The following MYOF variants were observed in gnomAD, a reference collection of about 807,000 sequenced individuals.
The protein encoded by MYOF is myoferlin.
In MYOF, 244 loss-of-function variants were observed where a neutral mutation model predicts 284.2. The ratio of observed to expected loss-of-function variants is 0.86; its 90% confidence interval spans 0.77 to 0.95. The LOEUF is 0.95. Among genes scored for constraint, MYOF ranks in the 40% least tolerant of loss-of-function variants. The probability of loss-of-function intolerance (pLI) is 0.00; values close to 1 mark genes in which losing one functional copy is unlikely to be tolerated. For missense variants in MYOF, 2,496 were observed against 2,560.6 expected (o/e 0.97, Z 0.54); for synonymous variants, 904 against 919.7 (o/e 0.98, Z 0.31).
intron 3 of MYOF, among the ~76,000 whole-genome samples, chr10:93,449,876 G>A (rs372139091): frequency 6.6e-6 from 1 of 152,152 alleles, no homozygotes; most frequent in Non-Finnish European, 1.5e-5. Context: ...CATCAAAGGC[G>A]AAGATGGGAG....
At chr10:93,479,746 A>C (rs1189335042) in intron 1 of MYOF, among the ~76,000 whole-genome samples, 2 of 152,196 alleles carry the variant, frequency 1.3e-5, no homozygotes, top group African/African-American at 4.8e-5. Context: ...CTCTGAGTTG[A>C]GTGCCCTTTC....
At chr10:93,352,410 A>G (rs562775308) in intron 32 of MYOF, among the ~76,000 whole-genome samples, 42 of 152,318 alleles carry the variant, frequency 2.8e-4, no homozygotes, top group African/African-American at 9.1e-4. Context: ...TATTCAGCAA[A>G]TATTTATTGA....
rs1165983189 is a variant in MYOF at position 93,361,310 on chromosome 10, CT to C, written c.2974+141del. ...GGCCTTGTTCCTAAAAGGCCATGAA[CT>C]GGTACCAGTCTGGCCTGGGGGCTGG... is the stretch of plus-strand genomic sequence containing the variant. On this transcript the variant is annotated intron_variant, in intron 28 of 53. Transcript: ENST00000359263. The C allele has an allele frequency of 5.0e-5, 36 of 725,162 alleles. No homozygotes were observed. The African/African-American group carries it at 6.0e-4, about 12-fold the overall frequency. The allele number at this position is 725,162 out of a possible 1,614,324, so 44.9% of individuals were successfully genotyped here. A position where few individuals can be genotyped will look rare whatever the true frequency, so the allele number is the denominator to read the frequency against.
intron 28 of MYOF, 120 bp downstream of exon 28, chr10:93,361,332 G>A (rs1450247604): frequency 2.2e-6 from 2 of 909,288 alleles, no homozygotes; most frequent in Admixed American, 2.3e-5. Flanking sequence ...TGGCCTGGGG[G>A]CTGGGGACTC....
Position 93,323,086 on chromosome 10 carries a change from G to A in MYOF, c.5448C>T (p.Tyr1816=), listed in dbSNP as rs201878661. 23 of 1,613,514 alleles carry A rather than the reference G, an allele frequency of 1.4e-5. No homozygotes were observed. The highest frequency in any genetic ancestry group is 4.5e-5 in the East Asian group (2 of 44,876). The change falls in exon 48 of 54, where the codon TAC becomes TAT. Residue 1816 remains tyrosine, a synonymous_variant. Coordinates refer to ENST00000359263, the MANE Select transcript of MYOF (RefSeq NM_013451.4). ...TCACATGCTAACCTTACCCTTTGAC[G>A]TAGATGTCACTCATTTCCTCTCCTG... The part of the protein sequence containing the change: ...SITGEEMSDI[Y]VKGWIPGNEE...
intron 51 of MYOF, among the ~76,000 whole-genome samples, chr10:93,312,184 A>C (rs1280819190): frequency 3.9e-5 from 6 of 152,266 alleles, no homozygotes; most frequent in Non-Finnish European, 8.8e-5. Context: ...GCTATTTTTA[A>C]TAATGCATAA....
intron 49 of MYOF, among the ~76,000 whole-genome samples, chr10:93,319,079 G>A (rs963694803): frequency 6.6e-6 from 1 of 152,162 alleles, no homozygotes; most frequent in African/African-American, 2.4e-5. Context: ...GCATCCCTGG[G>A]CAACAATGGT....
At chr10:93,381,820 T>G (rs567843860) in intron 19 of MYOF, among the ~76,000 whole-genome samples, 7 of 152,262 alleles carry the variant, frequency 4.6e-5, no homozygotes, top group African/African-American at 1.7e-4. Context: ...TTGGATCACT[T>G]GAGGTCAGGA....
At chr10:93,380,583 C>G (rs1045874289) in intron 20 of MYOF, among the ~76,000 whole-genome samples, 9 of 152,192 alleles carry the variant, frequency 5.9e-5, no homozygotes, top group African/African-American at 2.2e-4. Flanking sequence ...TCTGTACTCT[C>G]AAACCATTTG....
At chr10:93,318,296 C>G (rs909371072) in intron 49 of MYOF, among the ~76,000 whole-genome samples, 36 of 152,044 alleles carry the variant, frequency 2.4e-4, no homozygotes, top group African/African-American at 8.0e-4. Flanking sequence ...TGATGCATGC[C>G]TATAGTTCCA....
chr10:93,391,268 C>T (rs1182081887), intron 17 of MYOF, among the ~76,000 whole-genome samples: 5 of 152,170 alleles, frequency 3.3e-5, no homozygotes, highest in African/African-American at 4.8e-5. Flanking sequence ...CTTCTATGTG[C>T]TCACATCTTA....
At chr10:93,422,923 T>G (rs1189893313) in intron 5 of MYOF, among the ~76,000 whole-genome samples, 1 of 152,134 alleles carries the variant, frequency 6.6e-6, no homozygotes, top group Non-Finnish European at 1.5e-5. Flanking sequence ...TTTTTTTTCC[T>G]AAAGGCCTGG....
At chr10:93,416,579 A>G (rs562926113) in intron 5 of MYOF, among the ~76,000 whole-genome samples, 3 of 148,036 alleles carry the variant, frequency 2.0e-5, no homozygotes, top group African/African-American at 7.5e-5. Context: ...ATAATATATG[A>G]ACCCTGGCTT....
At chr10:93,377,263 T>C (rs767668511) in intron 22 of MYOF, 60 bp downstream of exon 22, 347 of 1,175,864 alleles carry the variant, frequency 3.0e-4, no homozygotes, top group Non-Finnish European at 3.9e-4. Context: ...TTTACAGTCT[T>C]AGAATTTCAG....
intron 35 of MYOF, among the ~76,000 whole-genome samples, chr10:93,350,698 C>T (rs1307873464): frequency 2.0e-5 from 3 of 152,134 alleles, no homozygotes; most frequent in African/African-American, 7.2e-5. Context: ...AGCAGGACAG[C>T]CAGAGAAGGG....
intron 3 of MYOF, among the ~76,000 whole-genome samples, chr10:93,441,651 C>T (rs1271836722): frequency 6.6e-6 from 1 of 151,208 alleles, no homozygotes; most frequent in African/African-American, 2.4e-5. Context: ...GCAACCTCTG[C>T]CTTCTGCATT....
rs770200264 is a variant in MYOF, at chr10:93,482,230, G to T, written c.-36C>A. On this transcript the variant is annotated 5_prime_UTR_variant, in exon 1 of 54. Transcript: ENST00000359263. The stretch of plus-strand genomic sequence containing the variant: ...TGGTAGAAAGCAAGTTTCAGCAAAC[G>T]AAGTGGAGACTAGGGCGCTGGAGCT... 4.4e-6 allele frequency: 7 copies of T among 1,581,724 alleles called. No individual in the cohort carries two copies. In the East Asian group the frequency reaches 1.4e-4, roughly 31 times the overall value.
At chr10:93,376,395 T>C (rs1845836384) in intron 22 of MYOF, among the ~76,000 whole-genome samples, 1 of 152,216 alleles carries the variant, frequency 6.6e-6, no homozygotes, top group Admixed American at 6.5e-5. Flanking sequence ...AACCCAGCTC[T>C]GGGCATCAGA....
intron 1 of MYOF, among the ~76,000 whole-genome samples, chr10:93,471,561 G>A (rs2057146264): frequency 6.6e-6 from 1 of 152,146 alleles, no homozygotes; most frequent in Non-Finnish European, 1.5e-5. Context: ...CCCTCATAGG[G>A]AAAATGAAGA....
Sources: allele counts gnomAD v4.1 joint callset (sites outside exome capture counted in the v4.1 genomes callset), GRCh38; gene constraint gnomAD v4.1.1; transcripts MANE v1.5; gene names NCBI Gene and HGNC (gene_info 2026-07-23, HGNC 2026-07-21).